The following DLC1 variants were observed in gnomAD, a reference collection of about 807,000 sequenced individuals.
The protein encoded by DLC1 is rho GTPase-activating protein 7.
Under a neutral mutation model 140.3 loss-of-function variants are expected in DLC1, and 54 were observed. The observed-to-expected ratio is 0.38, with a 90% CI of 0.31 to 0.48. DLC1 has a LOEUF of 0.48. Ranked by LOEUF, DLC1 falls within the 20% of genes least tolerant of loss-of-function variation. DLC1 has a pLI of 0.96. For synonymous variants in DLC1, 986 were observed against 728.1 expected, an observed-to-expected ratio of 1.35 and a Z score of -5.70; for missense variants, 2,536 against 1,907.0, an observed-to-expected ratio of 1.33 and a Z score of -6.14.
intron 7 of DLC1, among the ~76,000 whole-genome samples, chr8:13,109,214 G>A (rs1819851922): frequency 6.6e-6 from 1 of 152,140 alleles, no homozygotes; most frequent in Non-Finnish European, 1.5e-5. Context: ...CTACAAAGAG[G>A]AAAGAAATAC....
intron 2 of DLC1, among the ~76,000 whole-genome samples, chr8:13,442,557 C>G (rs1256050986): frequency 1.3e-5 from 2 of 152,312 alleles, no homozygotes; most frequent in African/African-American, 4.8e-5. Context: ...TGTGAACAGA[C>G]ACTTCTCAAA....
chr8:13,098,326 G>T, intron 10 of DLC1, 73 bp downstream of exon 10: 1 of 1,542,478 alleles, frequency 6.5e-7, no homozygotes, highest in South Asian at 1.2e-5. Flanking sequence ...ATTTTTTACT[G>T]TGGGGACAAC....
At chr8:13,283,340 C>CT (rs888676122) in intron 5 of DLC1, among the ~76,000 whole-genome samples, 13 of 150,466 alleles carry the variant, frequency 8.6e-5, no homozygotes, top group East Asian at 3.9e-4. Context: ...AAGAAATCAA[C>CT]TTTTTTTTTC....
At chr8:13,307,081 C>CAAAAA (rs34372620) in intron 4 of DLC1, among the ~76,000 whole-genome samples, 3 of 70,144 alleles carry the variant, frequency 4.3e-5, no homozygotes, top group Admixed American at 4.0e-4. Flanking sequence ...GAGACTCTGT[C>CAAAAA]AAAAAAAAAA....
chr8:13,585,306 G>C (rs1203103942), intron 1 of DLC1, among the ~76,000 whole-genome samples: 1 of 152,102 alleles, frequency 6.6e-6, no homozygotes, highest in Non-Finnish European at 1.5e-5. Context: ...GCTTACACCT[G>C]TAATCCCAGC....
intron 4 of DLC1, among the ~76,000 whole-genome samples, chr8:13,309,441 T>C (rs937697097): frequency 4.6e-5 from 7 of 152,190 alleles, no homozygotes; most frequent in Admixed American, 2.6e-4. Flanking sequence ...AAGATTTTCA[T>C]TGAAGTTGGC....
chr8:13,371,740 T>C (rs1195964310), intron 4 of DLC1, among the ~76,000 whole-genome samples: 6 of 152,178 alleles, frequency 3.9e-5, no homozygotes, highest in Admixed American at 2.6e-4. Flanking sequence ...ACTCCAGGCT[T>C]TCCTGAGTTA....
At chr8:13,463,115 TTTTA>T (rs1563369029) in intron 2 of DLC1, among the ~76,000 whole-genome samples, 1 of 151,934 alleles carries the variant, frequency 6.6e-6, no homozygotes, top group Non-Finnish European at 1.5e-5. Context: ...TATGAGCTGG[TTTTA>T]TTTATTTATT....
intron 5 of DLC1, 134 bp downstream of exon 5, chr8:13,305,135 A>G: frequency 7.4e-7 from 1 of 1,358,954 alleles, no homozygotes. Flanking sequence ...AATTTCTTTT[A>G]CAGAATTTAA....
intron 5 of DLC1, among the ~76,000 whole-genome samples, chr8:13,140,000 C>T (rs1338386525): frequency 6.6e-6 from 1 of 152,098 alleles, no homozygotes; most frequent in African/African-American, 2.4e-5. Context: ...CACCGTTATC[C>T]ATCTCCAGAA....
At chr8:13,162,299 G>T (rs1824765120) in intron 5 of DLC1, among the ~76,000 whole-genome samples, 1 of 141,738 alleles carries the variant, frequency 7.1e-6, no homozygotes, top group Admixed American at 7.3e-5. Context: ...CTCAATGATG[G>T]TAGTCTACAG....
intron 4 of DLC1, among the ~76,000 whole-genome samples, chr8:13,349,765 T>G (rs578233734): frequency 6.6e-6 from 1 of 152,212 alleles, no homozygotes; most frequent in East Asian, 1.9e-4. Context: ...TCAATCCAAG[T>G]GAATTGCTAG....
At chr8:13,461,326 A>C (rs289535) in intron 2 of DLC1, among the ~76,000 whole-genome samples, 3 of 152,176 alleles carry the variant, frequency 2.0e-5, no homozygotes, top group African/African-American at 7.2e-5. Flanking sequence ...ATTTCTTTAC[A>C]TGAAAATTTG....
At chr8:13,572,843 C>A (rs1347469110) in intron 1 of DLC1, among the ~76,000 whole-genome samples, 1 of 152,130 alleles carries the variant, frequency 6.6e-6, no homozygotes, top group Non-Finnish European at 1.5e-5. Context: ...GTCTCTGTGT[C>A]TGTCCTTACT....
In DLC1 at chr8:13,466,699, A is replaced by C. The variant is rs923396234; in HGVS notation, c.1023+32350T>G. On this transcript the variant is annotated intron_variant, in intron 2 of 17. Coordinates refer to ENST00000276297, the MANE Select transcript of DLC1 (RefSeq NM_182643.3). ...AAGAGAAACTACGACACAAAATTAGAGGTAAAAAATATATCTCTTTCCTAA... is the reference window on the plus strand; with the variant it reads ...AAGAGAAACTACGACACAAAATTAGCGGTAAAAAATATATCTCTTTCCTAA... Among the ~76,000 whole-genome samples, 9 of 152,188 alleles carry C rather than the reference A, an allele frequency of 5.9e-5. No homozygotes were observed. The South Asian group carries it at 6.2e-4, about 11-fold the overall frequency.
At chr8:13,099,289 G>T in intron 9 of DLC1, 58 bp downstream of exon 9, 1 of 1,557,000 alleles carries the variant, frequency 6.4e-7, no homozygotes, top group Non-Finnish European at 8.7e-7. Context: ...AACAAGCACA[G>T]GCAATGTCTT....
chr8:13,369,769 C>A (rs78341808), intron 4 of DLC1, among the ~76,000 whole-genome samples: 3,905 of 152,058 alleles, frequency 0.026, 75 homozygotes, highest in South Asian at 0.086. Flanking sequence ...TCCTGGATCC[C>A]CCTTCTTGTG....
At chr8:13,348,098 C>T (rs1024088257) in intron 4 of DLC1, among the ~76,000 whole-genome samples, 3 of 102,122 alleles carry the variant, frequency 2.9e-5, no homozygotes, top group Middle Eastern at 4.5e-3. Flanking sequence ...CAAAAACAAA[C>T]AAACAAACAA....
chr8:13,386,728 G>A (rs1267668755), intron 4 of DLC1, among the ~76,000 whole-genome samples: 2 of 152,012 alleles, frequency 1.3e-5, no homozygotes, highest in Non-Finnish European at 2.9e-5. Flanking sequence ...GAAATCCTCT[G>A]TGCTTTTAAA....
Sources: allele counts gnomAD v4.1 joint callset (sites outside exome capture counted in the v4.1 genomes callset), GRCh38; gene constraint gnomAD v4.1.1; transcripts MANE v1.5; gene names NCBI Gene and HGNC (gene_info 2026-07-23, HGNC 2026-07-21).